The following ATP2A2 variants were observed in gnomAD, a reference collection of about 807,000 sequenced individuals.
ATP2A2 encodes ATPase sarcoplasmic/endoplasmic reticulum Ca2+ transporting 2.
In ATP2A2, 14 loss-of-function variants were observed where a neutral mutation model predicts 109.3. The ratio of observed to expected loss-of-function variants is 0.13; its 90% confidence interval spans 0.08 to 0.20. The LOEUF is 0.20. Among genes scored for constraint, ATP2A2 ranks in the 10% least tolerant of loss-of-function variants. The probability of loss-of-function intolerance (pLI) is 1.00; values close to 1 mark genes in which losing one functional copy is unlikely to be tolerated. For missense variants in ATP2A2, 657 were observed against 1,321.6 expected, an observed-to-expected ratio of 0.50 and a Z score of 7.80; for synonymous variants, 506 against 490.9, an observed-to-expected ratio of 1.03 and a Z score of -0.41.
At chr12:110,294,937 A>G (rs1873803809) in intron 4 of ATP2A2, among the ~76,000 whole-genome samples, 1 of 151,926 alleles carries the variant, frequency 6.6e-6, no homozygotes, top group Non-Finnish European at 1.5e-5. Flanking sequence ...CTCCCACCTC[A>G]GTCTCCCAAG....
Position 110,333,163 on chromosome 12 carries a change from T to G in ATP2A2, c.1185-18T>G, listed in dbSNP as rs1187314381. 1 of 1,597,402 alleles carries G rather than the reference T, an allele frequency of 6.3e-7. No individual in the cohort carries two copies. Among genetic ancestry groups the G allele is most frequent in the African/African-American group, 1.3e-5 (1 of 74,474 alleles). On this transcript the variant is annotated intron_variant, in intron 9 of 19. Transcript: ENST00000539276. ...TGGCGACCATACCCTGCTCTAAGAG[T>G]GTTTTCTCTTTGGGCAGGCATAAAG...
chr12:110,339,788 C>A lies in ATP2A2; in HGVS notation c.1761+67C>A. Reference sequence around the variant, plus strand: ...TCATTGTGTTTAAACAGTACTCCTTCAAGCAAAAGGTCAAACAGTTCTCAC... The same window carrying A: ...TCATTGTGTTTAAACAGTACTCCTTAAAGCAAAAGGTCAAACAGTTCTCAC... On this transcript the variant is annotated intron_variant, in intron 13 of 19. Coordinates refer to ENST00000539276, the MANE Select transcript of ATP2A2 (RefSeq NM_170665.4). The surrounding 1 kb of genome is among the most constrained non-coding windows in gnomAD (Gnocchi z 4.4). The A allele has an allele frequency of 6.6e-7, 1 of 1,515,750 alleles. No homozygotes were observed. Among genetic ancestry groups the A allele is most frequent in the Middle Eastern group, 1.7e-4 (1 of 5,834 alleles). The allele number at this position is 1,515,750 out of a possible 1,614,324, so 93.9% of individuals were successfully genotyped here. A position where few individuals can be genotyped will look rare whatever the true frequency, so the allele number is the denominator to read the frequency against.
chr12:110,350,073 G>C lies in ATP2A2; in HGVS notation c.*3603G>C. 7.0e-7 allele frequency: 1 copy of C among 1,438,544 alleles called. No individual in the cohort carries two copies. The highest frequency in any genetic ancestry group is 2.7e-5 in the Admixed American group (1 of 36,528). The allele number at this position is 1,438,544 out of a possible 1,614,324, so 89.1% of individuals were successfully genotyped here. A position where few individuals can be genotyped will look rare whatever the true frequency, so the allele number is the denominator to read the frequency against. ...CCTTTATTCTGTAGCCAGACGACAC[G>C]AGGAGTCTGTGTCACTGAGCCAGTG... is the stretch of plus-strand genomic sequence containing the variant. On this transcript the variant is annotated 3_prime_UTR_variant, in exon 20 of 20. Transcript: ENST00000539276.
At position 110,346,940 on chromosome 12, in the gene ATP2A2, C is replaced by T; in HGVS notation, c.*470C>T. 1 of 1,093,646 alleles carries T rather than the reference C, an allele frequency of 9.1e-7. No individual in the cohort carries two copies. Among genetic ancestry groups the T allele is most frequent in the Non-Finnish European group, 1.1e-6 (1 of 896,274 alleles). 67.7% of individuals were successfully genotyped at this position (1,093,646 alleles called of 1,614,324 possible). The stretch of plus-strand genomic sequence containing the variant: ...AATTTTTATTCATAAGCCAATTTTT[C>T]TGCACTGAGCAGAGTCTTGCTACCT... On this transcript the variant is annotated 3_prime_UTR_variant, in exon 20 of 20. Transcript: ENST00000539276.
intron 18 of ATP2A2, chr12:110,345,792 C>CT (rs1879789646): frequency 3.1e-6 from 2 of 654,266 alleles, no homozygotes; most frequent in African/African-American, 3.5e-5. Flanking sequence ...ATGGGGTCTG[C>CT]TATGCCAAAA....
At chr12:110,310,061 T>C (rs949994116) in intron 5 of ATP2A2, among the ~76,000 whole-genome samples, 2 of 152,170 alleles carry the variant, frequency 1.3e-5, no homozygotes, top group African/African-American at 2.4e-5. Flanking sequence ...ATGAACGTCA[T>C]TGTTTTTAAG....
At chr12:110,287,511 A>G (rs1324112199) in intron 3 of ATP2A2, among the ~76,000 whole-genome samples, 1 of 152,234 alleles carries the variant, frequency 6.6e-6, no homozygotes, top group African/African-American at 2.4e-5. Flanking sequence ...TATTGTATTT[A>G]GCACAAAGCA....
intron 4 of ATP2A2, among the ~76,000 whole-genome samples, chr12:110,293,059 C>T (rs1247054240): frequency 6.6e-6 from 1 of 152,008 alleles, no homozygotes; most frequent in Non-Finnish European, 1.5e-5. Context: ...TATAATCACC[C>T]CTTTGAGGAC....
In ATP2A2 at chr12:110,344,906, G is replaced by A; in HGVS notation, c.2542G>A (p.Val848Met). ...AIGCYVGAAT[V>M]GAAAWWFIAA... ...CCCAGGTTACGTCGGCGCTGCTACC[G>A]TGGGTGCTGCTGCATGGTGGTTCAT... Residue 848 changes from valine (V) to methionine (M), a missense_variant, in exon 17 of 20, where the codon GTG becomes ATG. Transcript: ENST00000539276. 3.7e-6 allele frequency: 6 copies of A among 1,614,196 alleles called. No homozygotes were observed. The highest frequency in any genetic ancestry group is 1.3e-5 in the African/African-American group (1 of 75,058).
chr12:110,300,135 TCC>T (rs1874427607), intron 5 of ATP2A2, among the ~76,000 whole-genome samples: 2 of 19,398 alleles, frequency 1.0e-4, no homozygotes, highest in African/African-American at 3.7e-4. Context: ...TCCCCTCCCC[TCC>T]CCTCCCCTCC....
intron 5 of ATP2A2, among the ~76,000 whole-genome samples, chr12:110,300,116 T>TCCCCC (rs1874420070): frequency 2.9e-5 from 3 of 103,344 alleles, no homozygotes; most frequent in Non-Finnish European, 3.8e-5. Flanking sequence ...CCTCCCCCTT[T>TCCCCC]CCCTCCCCTC....
intron 4 of ATP2A2, among the ~76,000 whole-genome samples, chr12:110,292,335 C>T (rs533697172): frequency 2.6e-5 from 4 of 151,942 alleles, no homozygotes; most frequent in South Asian, 2.1e-4. Flanking sequence ...GGTGTTGTCT[C>T]GGCTCACTGC....
chr12:110,320,647 T>C (rs1877143021), intron 5 of ATP2A2, among the ~76,000 whole-genome samples: 2 of 152,216 alleles, frequency 1.3e-5, no homozygotes, highest in Admixed American at 1.3e-4. Context: ...TAGAGCAGAA[T>C]TATATTAAAA....
intron 3 of ATP2A2, among the ~76,000 whole-genome samples, chr12:110,291,452 C>T (rs1246888043): frequency 4.0e-5 from 6 of 151,560 alleles, no homozygotes; most frequent in Non-Finnish European, 8.8e-5. Flanking sequence ...GTGATCTGCC[C>T]GCCTCAGCCT....
chr12:110,339,361 A>G lies in ATP2A2; in HGVS notation c.1500A>G (p.Pro500=). ...AGTCAATGTCGGTTTACTGTACACC[A>G]AATAAACCAAGCAGGACATCAATGA... ...DRKSMSVYCT[P]NKPSRTSMSK... The change falls in exon 12 of 20, where the codon CCA becomes CCG. Residue 500 remains proline (P), a synonymous_variant. Coordinates refer to ENST00000539276, the MANE Select transcript of ATP2A2 (RefSeq NM_170665.4). The surrounding 1 kb of genome is among the most constrained non-coding windows in gnomAD (Gnocchi z 4.4). 1 of 1,614,204 alleles carries G rather than the reference A, an allele frequency of 6.2e-7. No individual in the cohort carries two copies. Among genetic ancestry groups the G allele is most frequent in the South Asian group, 1.1e-5 (1 of 91,076 alleles).
rs3026482 is a variant in ATP2A2 at position 110,342,735 on chromosome 12, A to T, written c.2318+287A>T. Among the ~76,000 whole-genome samples, 24,471 of 152,094 alleles carry T rather than the reference A, an allele frequency of 0.16. 2,670 individuals carry two copies. Among genetic ancestry groups the T allele is most frequent in the Admixed American group, 0.28 (4,232 of 15,272 alleles). On this transcript the variant is annotated intron_variant, in intron 15 of 19. Coordinates refer to ENST00000539276, the MANE Select transcript of ATP2A2 (RefSeq NM_170665.4). This position sits in a 1 kb window ranked among gnomAD's most constrained non-coding sequence, Gnocchi z 4.6. ...TTCTTGCCCTCCAAAAGTTGGCTTT[A>T]TCTCAGTCAGCTTAATAATTTTTTT...
intron 3 of ATP2A2, 101 bp downstream of exon 3, chr12:110,282,896 G>GA: frequency 9.6e-7 from 1 of 1,040,358 alleles, no homozygotes; most frequent in Admixed American, 2.0e-5. Context: ...AACATATTTG[G>GA]AGTTGCAAGC....
chr12:110,310,028 A>G (rs550667454), intron 5 of ATP2A2, among the ~76,000 whole-genome samples: 1 of 152,322 alleles, frequency 6.6e-6, no homozygotes, highest in East Asian at 1.9e-4. Flanking sequence ...AAAGTAGTGA[A>G]GTTGTACATA....
At position 110,333,291 on chromosome 12, in the gene ATP2A2, T is replaced by A; in HGVS notation, c.1287+8T>A. On this transcript the variant is annotated splice_region_variant and intron_variant, in intron 10 of 19. Coordinates refer to ENST00000539276, the MANE Select transcript of ATP2A2 (RefSeq NM_170665.4). ...GCTTTGGATTACAATGAGGTAAGTC[T>A]CTTCATAAATTAGAAGGAATGGCTG... The A allele has an allele frequency of 6.2e-7, 1 of 1,600,200 alleles. No homozygotes were observed. The highest frequency in any genetic ancestry group is 8.6e-7 in the Non-Finnish European group (1 of 1,167,402).
Sources: allele counts gnomAD v4.1 joint callset (sites outside exome capture counted in the v4.1 genomes callset), GRCh38; gene constraint gnomAD v4.1.1; non-coding constraint Gnocchi (gnomAD v3.1); transcripts MANE v1.5; gene names NCBI Gene and HGNC (gene_info 2026-07-23, HGNC 2026-07-21).